The following SIL1 variants were observed in gnomAD, a reference collection of about 807,000 sequenced individuals.
SIL1 encodes the protein nucleotide exchange factor SIL1.
Under a neutral mutation model 49.1 loss-of-function variants are expected in SIL1, and 40 were observed. The observed-to-expected ratio is 0.81, with a 90% CI of 0.63 to 1.06. SIL1 has a LOEUF of 1.06. SIL1 is among the 50% of genes least tolerant of loss of function. The pLI, the probability that SIL1 is intolerant of heterozygous loss-of-function variation, is 0.00. For synonymous variants in SIL1, 253 were observed against 250.8 expected (o/e 1.01, Z -0.08); for missense variants, 500 against 572.6 (o/e 0.87, Z 1.29).
At chr5:138,984,775 C>G (rs1321050667) in intron 7 of SIL1, among the ~76,000 whole-genome samples, 1 of 152,134 alleles carries the variant, frequency 6.6e-6, no homozygotes, top group African/African-American at 2.4e-5. Context: ...AAAATCTGAC[C>G]ACTTCTTGCT....
chr5:138,951,812 CTCCG>C lies in SIL1; in HGVS notation c.836_839del (p.Thr279SerfsTer29). On this transcript the variant is annotated frameshift_variant, in exon 8 of 10. Coordinates refer to ENST00000394817, the MANE Select transcript of SIL1 (RefSeq NM_022464.5). LOFTEE classifies it high-confidence loss of function. ...CCTTCTTCTTTGCAGTGAGCGGCTG[CTCCG>C]TGGCCAGGATGACCAGCAGCTTCTG... is the stretch of plus-strand genomic sequence containing the variant. 6.2e-7 allele frequency: 1 copy of C among 1,614,100 alleles called. No individual in the cohort carries two copies. The highest frequency in any genetic ancestry group is 8.5e-7 in the Non-Finnish European group (1 of 1,180,028).
intron 1 of SIL1, among the ~76,000 whole-genome samples, chr5:139,169,476 A>AT (rs70982754): frequency 0.03 from 4,164 of 139,594 alleles, 76 homozygotes; most frequent in African/African-American, 0.052. Flanking sequence ...ATATAGATAG[A>AT]TTTTTTTTTT....
At chr5:138,965,648 G>A (rs1767123486) in intron 7 of SIL1, among the ~76,000 whole-genome samples, 3 of 136,784 alleles carry the variant, frequency 2.2e-5, no homozygotes, top group African/African-American at 8.3e-5. Flanking sequence ...TGAGCTGAGG[G>A]GCAGGAGATC....
intron 7 of SIL1, among the ~76,000 whole-genome samples, chr5:139,007,437 T>C (rs918942783): frequency 2.0e-4 from 25 of 127,678 alleles, no homozygotes; most frequent in African/African-American, 4.1e-4. Context: ...CTTTTCCTAA[T>C]TGAATATCCT....
chr5:139,042,163 A>G (rs927754890), intron 5 of SIL1, among the ~76,000 whole-genome samples: 1 of 152,190 alleles, frequency 6.6e-6, no homozygotes, highest in African/African-American at 2.4e-5. Flanking sequence ...CCTAGAAGAA[A>G]CACATTTGCT....
chr5:139,095,265 CT>C (rs1172866470), intron 3 of SIL1, among the ~76,000 whole-genome samples: 3,414 of 131,748 alleles, frequency 0.026, 60 homozygotes, highest in African/African-American at 0.084. Flanking sequence ...TATTGGAATT[CT>C]TTTTTTTTTT....
intron 1 of SIL1, among the ~76,000 whole-genome samples, chr5:139,167,916 A>G (rs1245184876): frequency 4.4e-4 from 67 of 152,168 alleles, no homozygotes; most frequent in Non-Finnish European, 1.2e-4. Flanking sequence ...TCCTGGGCTC[A>G]AGCAATCCTC....
At chr5:139,174,937 C>CAAAAAAAAAAAAAA (rs56959325) in intron 1 of SIL1, among the ~76,000 whole-genome samples, 4 of 59,846 alleles carry the variant, frequency 6.7e-5, no homozygotes, top group Non-Finnish European at 8.7e-5. Flanking sequence ...GACTGTGTCT[C>CAAAAAAAAAAAAAA]AAAAAAAAAA....
intron 7 of SIL1, among the ~76,000 whole-genome samples, chr5:138,999,381 C>T (rs1581017778): frequency 6.6e-6 from 1 of 152,140 alleles, no homozygotes; most frequent in Admixed American, 6.5e-5. Flanking sequence ...TGGCTGGAAA[C>T]GATGGCCAAG....
intron 3 of SIL1, among the ~76,000 whole-genome samples, chr5:139,119,686 A>G (rs1750567207): frequency 6.6e-6 from 1 of 152,212 alleles, no homozygotes; most frequent in Non-Finnish European, 1.5e-5. Context: ...ACTTGAGCCC[A>G]GGAGGCAGAG....
At chr5:139,011,648 A>G (rs1211417314) in intron 7 of SIL1, among the ~76,000 whole-genome samples, 1 of 152,046 alleles carries the variant, frequency 6.6e-6, no homozygotes, top group African/African-American at 2.4e-5. Context: ...TATAGTTTTA[A>G]AAGTTTGATT....
chr5:139,133,089 T>C (rs536541739), intron 1 of SIL1, among the ~76,000 whole-genome samples: 7 of 151,998 alleles, frequency 4.6e-5, no homozygotes, highest in African/African-American at 1.7e-4. Flanking sequence ...CTTCTCATCA[T>C]CCTTGGCTTT....
chr5:139,134,069 T>A (rs1750922930), intron 1 of SIL1, among the ~76,000 whole-genome samples: 3 of 152,224 alleles, frequency 2.0e-5, no homozygotes, highest in Admixed American at 6.5e-5. Flanking sequence ...GAATAGGAAG[T>A]ACTGGGTACA....
intron 7 of SIL1, among the ~76,000 whole-genome samples, chr5:138,988,167 G>A (rs1006438497): frequency 2.6e-5 from 4 of 152,194 alleles, no homozygotes; most frequent in Admixed American, 1.3e-4. Context: ...CAATTGTAAA[G>A]ACAAAGCATT....
intron 8 of SIL1, 111 bp from the exon 9 acceptor site, chr5:138,951,446 C>T: frequency 8.8e-7 from 1 of 1,136,666 alleles, no homozygotes; most frequent in East Asian, 2.6e-5. Context: ...CCTCCCGGCC[C>T]CACCTCAGTT....
intron 3 of SIL1, among the ~76,000 whole-genome samples, chr5:139,090,477 T>C (rs1176590215): frequency 1.3e-5 from 2 of 152,024 alleles, no homozygotes; most frequent in Non-Finnish European, 2.9e-5. Flanking sequence ...TTGCAAAACC[T>C]CTACAATTAA....
intron 1 of SIL1, among the ~76,000 whole-genome samples, chr5:139,151,782 A>G (rs1283226584): frequency 6.6e-6 from 1 of 152,244 alleles, no homozygotes; most frequent in Non-Finnish European, 1.5e-5. Context: ...TCTTCCCACA[A>G]GCATTTCTGT....
At chr5:138,951,508 C>G in intron 8 of SIL1, among the ~76,000 whole-genome samples, 173 bp from the exon 9 acceptor site, 1 of 152,242 alleles carries the variant, frequency 6.6e-6, no homozygotes, top group Admixed American at 6.5e-5. Context: ...ACTCAGACAC[C>G]TTCAACATTA....
chr5:139,090,428 G>A (rs1370691933), intron 3 of SIL1, among the ~76,000 whole-genome samples: 5 of 152,058 alleles, frequency 3.3e-5, no homozygotes, highest in African/African-American at 1.2e-4. Flanking sequence ...GGAGCGCACA[G>A]AAATAAAACT....
Sources: gnomAD v4.1 joint callset for allele counts (sites outside exome capture counted in the v4.1 genomes callset) on GRCh38, gnomAD v4.1.1 for gene constraint, MANE v1.5 for transcripts, NCBI Gene and HGNC (gene_info 2026-07-23, HGNC 2026-07-21) for gene names.